The following GSKIP variants were observed in gnomAD, a reference collection of about 807,000 sequenced individuals.
The protein encoded by GSKIP is GSK3B interacting protein.
Under a neutral mutation model 11.9 loss-of-function variants are expected in GSKIP, and 5 were observed. That is an observed-to-expected ratio of 0.42 (90% CI 0.22 to 0.89). The LOEUF (loss-of-function observed/expected upper bound fraction) is 0.89, where lower values mean the gene tolerates loss of function less well. GSKIP is among the 40% of genes least tolerant of loss of function. GSKIP has a pLI of 0.29. For missense variants in GSKIP, 150 were observed against 166.6 expected (o/e 0.90, Z 0.55); for synonymous variants, 70 against 62.9 (o/e 1.11, Z -0.54).
rs1889294869 is a variant in GSKIP, at chr14:96,379,680, T to A, written c.-102-8T>A. 6.6e-6 allele frequency: 1 copy of A among 152,188 alleles called. No individual in the cohort carries two copies. Among genetic ancestry groups the A allele is most frequent in the Non-Finnish European group, 1.5e-5 (1 of 68,032 alleles). The allele number at this position is 152,188 out of a possible 1,614,324, so 9.4% of individuals were successfully genotyped here. ...GTCTTAGGAAAGGTGTCTTCCTCTT[T>A]TTTGCAGCTCGGTGCTGATTATCAC... On this transcript the variant is annotated splice_region_variant and splice_polypyrimidine_tract_variant and intron_variant, in intron 1 of 3. Coordinates refer to ENST00000555181, the MANE Select transcript of GSKIP (RefSeq NM_016472.5).
intron 3 of GSKIP, 40 bp downstream of exon 3, chr14:96,382,545 T>C (rs779088290): frequency 8.0e-6 from 12 of 1,495,372 alleles, no homozygotes; most frequent in Non-Finnish European, 1.0e-5. Flanking sequence ...ATTATTTATG[T>C]CTTTACCACT....
chr14:96,367,132 A>G (rs945923456), intron 1 of GSKIP, among the ~76,000 whole-genome samples: 2 of 152,166 alleles, frequency 1.3e-5, no homozygotes, highest in Non-Finnish European at 2.9e-5. Flanking sequence ...ATAATAGATT[A>G]TATTTTTTCA....
chr14:96,378,517 G>A (rs1225005052), intron 1 of GSKIP, among the ~76,000 whole-genome samples: 1 of 152,172 alleles, frequency 6.6e-6, no homozygotes, highest in Non-Finnish European at 1.5e-5. Context: ...CTGACATCTT[G>A]CTTTTAGACT....
At chr14:96,368,098 AC>A (rs1344836458) in intron 1 of GSKIP, among the ~76,000 whole-genome samples, 2 of 149,286 alleles carry the variant, frequency 1.3e-5, no homozygotes, top group Non-Finnish European at 3.0e-5. Flanking sequence ...TTTTTTTTTT[AC>A]ATTCCATTTT....
intron 1 of GSKIP, among the ~76,000 whole-genome samples, chr14:96,374,019 T>C (rs1889130884): frequency 6.6e-6 from 1 of 152,246 alleles, no homozygotes; most frequent in Non-Finnish European, 1.5e-5. Context: ...AAGAAAAATC[T>C]GTCCGTTGAG....
chr14:96,366,393 C>G (rs1888884868), intron 1 of GSKIP, among the ~76,000 whole-genome samples: 1 of 152,180 alleles, frequency 6.6e-6, no homozygotes, highest in Admixed American at 6.5e-5. Flanking sequence ...ATGCTCTATT[C>G]AGAGTATTGT....
intron 1 of GSKIP, among the ~76,000 whole-genome samples, chr14:96,378,017 G>A (rs1889247795): frequency 6.6e-6 from 1 of 152,174 alleles, no homozygotes; most frequent in Admixed American, 6.5e-5. Flanking sequence ...AGAGAAGCAT[G>A]TAAACTGCTT....
At chr14:96,370,432 A>G (rs1194486023) in intron 1 of GSKIP, among the ~76,000 whole-genome samples, 1 of 147,110 alleles carries the variant, frequency 6.8e-6, no homozygotes, top group African/African-American at 2.5e-5. Context: ...TTGTCAAAAT[A>G]TGATCCCCAC....
chr14:96,368,285 T>C (rs943015062), intron 1 of GSKIP, among the ~76,000 whole-genome samples: 2 of 151,650 alleles, frequency 1.3e-5, no homozygotes, highest in African/African-American at 4.8e-5. Flanking sequence ...GTTCAACCGA[T>C]CCTCCTACCT....
In GSKIP at chr14:96,384,999, A is replaced by G. The variant is rs541049601; in HGVS notation, c.259-524A>G. The stretch of plus-strand genomic sequence containing the variant: ...TAATAAACAATTATTAAAATTAACA[A>G]CTAATTATTAAAACTAAATTATTAG... On this transcript the variant is annotated intron_variant, in intron 3 of 3. Transcript: ENST00000555181. 3.0e-4 allele frequency among the ~76,000 whole-genome samples: 46 copies of G among 152,256 alleles called. No individual in the cohort carries two copies. In the South Asian group the frequency reaches 8.7e-3, roughly 29 times the overall value.
intron 1 of GSKIP, among the ~76,000 whole-genome samples, chr14:96,376,599 G>A (rs1889209651): frequency 6.6e-6 from 1 of 152,208 alleles, no homozygotes; most frequent in South Asian, 2.1e-4. Flanking sequence ...GTTCATACAA[G>A]TTTAGTGATA....
chr14:96,375,634 A>G (rs2139936255), intron 1 of GSKIP, among the ~76,000 whole-genome samples: 1 of 152,142 alleles, frequency 6.6e-6, no homozygotes, highest in East Asian at 1.9e-4. Context: ...GGGTTTCACC[A>G]TATTGGCCAG....
chr14:96,375,061 T>C (rs1889160431), intron 1 of GSKIP, among the ~76,000 whole-genome samples: 4 of 152,234 alleles, frequency 2.6e-5, no homozygotes, highest in African/African-American at 9.6e-5. Flanking sequence ...AGTAGTGTTT[T>C]GTAAAGTTCA....
intron 3 of GSKIP, among the ~76,000 whole-genome samples, chr14:96,385,311 A>C (rs1889459417): frequency 6.6e-6 from 1 of 152,222 alleles, no homozygotes; most frequent in Admixed American, 6.5e-5. Context: ...ATACATTATA[A>C]GTTGCTGAAG....
chr14:96,385,574 C>T lies in GSKIP; in HGVS notation c.310C>T (p.His104Tyr). Residue 104 changes from histidine to tyrosine, a missense_variant, in exon 4 of 4, where the codon CAT (histidine) becomes TAT (tyrosine). By Grantham distance (83) the His-to-Tyr change is moderately conservative. Coordinates refer to ENST00000555181, the MANE Select transcript of GSKIP (RefSeq NM_016472.5). ...AGATGATCATTTACAGACTCCCTACCATGAAACAGTCTACTCCTTGTTGGA... is the reference window on the plus strand; with the variant it reads ...AGATGATCATTTACAGACTCCCTACTATGAAACAGTCTACTCCTTGTTGGA... Reference protein sequence around the residue: ...QVDDHLQTPYHETVYSLLDTL... With the variant: ...QVDDHLQTPYYETVYSLLDTL... 1 of 1,612,532 alleles carries T rather than the reference C, an allele frequency of 6.2e-7. No individual in the cohort carries two copies.
At chr14:96,382,192 G>C (rs1595351933) in intron 2 of GSKIP, 55 bp from the exon 3 acceptor site, 1 of 1,293,772 alleles carries the variant, frequency 7.7e-7, no homozygotes, top group South Asian at 1.5e-5. Context: ...AAATGTAGTA[G>C]TTTGAATGTC....
intron 1 of GSKIP, among the ~76,000 whole-genome samples, chr14:96,375,435 TC>T (rs60799117): frequency 0.19 from 24,718 of 130,600 alleles, 2,495 homozygotes; most frequent in Middle Eastern, 0.26. Flanking sequence ...TCTTTTTCTC[TC>T]TTTTTTTTTT....
intron 1 of GSKIP, among the ~76,000 whole-genome samples, chr14:96,368,360 G>C (rs1311047325): frequency 1.3e-5 from 2 of 152,076 alleles, no homozygotes; most frequent in African/African-American, 4.8e-5. Context: ...TGTAGAGACA[G>C]GGTTTCACCA....
intron 1 of GSKIP, among the ~76,000 whole-genome samples, chr14:96,374,750 G>GA (rs1413650800): frequency 6.6e-6 from 1 of 152,134 alleles, no homozygotes; most frequent in Non-Finnish European, 1.5e-5. Flanking sequence ...AAATGAAGAT[G>GA]AAAAGGAGAC....
Sources: allele counts gnomAD v4.1 joint callset (sites outside exome capture counted in the v4.1 genomes callset), GRCh38; gene constraint gnomAD v4.1.1; transcripts MANE v1.5; gene names NCBI Gene and HGNC (gene_info 2026-07-23, HGNC 2026-07-21).